NSUN7: variants seen among roughly 807,000 people sequenced by gnomAD.
The protein encoded by NSUN7 is protein NSUN7.
Under a neutral mutation model 58.5 loss-of-function variants are expected in NSUN7, and 39 were observed. That is an observed-to-expected ratio of 0.67 (90% CI 0.52 to 0.87). The LOEUF (loss-of-function observed/expected upper bound fraction) is 0.87, where lower values mean the gene tolerates loss of function less well. NSUN7 is among the 40% of genes least tolerant of loss of function. NSUN7 has a pLI of 0.00. For synonymous variants in NSUN7, 278 were observed against 303.7 expected, an observed-to-expected ratio of 0.92 and a Z score of 0.88; for missense variants, 765 against 844.1, an observed-to-expected ratio of 0.91 and a Z score of 1.16.
intron 7 of NSUN7, chr4:40,786,691 C>A: frequency 1.3e-6 from 2 of 1,575,940 alleles, no homozygotes; most frequent in Admixed American, 2.0e-5. Context: ...AAAAATGTTG[C>A]GGCAACAGAA....
intron 2 of NSUN7, among the ~76,000 whole-genome samples, chr4:40,757,731 C>T (rs201361286): frequency 0.35 from 51,095 of 144,158 alleles, 9,438 homozygotes; most frequent in Admixed American, 0.49. Flanking sequence ...TATATACACA[C>T]ACACACACAC....
At position 40,757,906 on chromosome 4, in the gene NSUN7, G is replaced by C. The variant is rs976795337; in HGVS notation, c.299-2528G>C. Among the ~76,000 whole-genome samples, 5 of 150,996 alleles carry C rather than the reference G, an allele frequency of 3.3e-5. No homozygotes were observed. In the East Asian group the frequency reaches 9.8e-4, roughly 29 times the overall value. On this transcript the variant is annotated intron_variant, in intron 2 of 11. Transcript: ENST00000381782. The stretch of plus-strand genomic sequence containing the variant: ...TCCTGCCTCTCCTATTCCTGTTTTT[G>C]TTTGTTTGTTTGTTTGTTTGTTTGT...
At chr4:40,759,835 A>C (rs572827821) in intron 2 of NSUN7, among the ~76,000 whole-genome samples, 5 of 152,056 alleles carry the variant, frequency 3.3e-5, no homozygotes, top group Non-Finnish European at 7.4e-5. Flanking sequence ...AAGGTCAGGA[A>C]TTCGAGACCA....
At chr4:40,769,873 G>A (rs1371310100) in intron 4 of NSUN7, among the ~76,000 whole-genome samples, 2 of 152,138 alleles carry the variant, frequency 1.3e-5, no homozygotes, top group African/African-American at 4.8e-5. Context: ...ATTTTTCTGG[G>A]AAATTCAAGC....
intron 1 of NSUN7, 62 bp downstream of exon 1, chr4:40,750,362 G>A (rs1198311487): frequency 1.3e-5 from 3 of 223,080 alleles, no homozygotes; most frequent in East Asian, 1.1e-4. Context: ...GGCTCCGGGG[G>A]CAGCTCTGCC....
At chr4:40,792,213 C>T (rs1401736782) in intron 8 of NSUN7, among the ~76,000 whole-genome samples, 4 of 152,014 alleles carry the variant, frequency 2.6e-5, no homozygotes, top group Admixed American at 2.6e-4. Context: ...GAAATAGCAG[C>T]TATAATAAGC....
chr4:40,791,013 A>C (rs1215036618), intron 8 of NSUN7, among the ~76,000 whole-genome samples: 1 of 152,162 alleles, frequency 6.6e-6, no homozygotes, highest in Non-Finnish European at 1.5e-5. Flanking sequence ...TGCTATTCTG[A>C]ATATACCAGA....
chr4:40,792,330 A>C (rs1743106088), intron 8 of NSUN7, among the ~76,000 whole-genome samples: 1 of 152,192 alleles, frequency 6.6e-6, no homozygotes, highest in Non-Finnish European at 1.5e-5. Flanking sequence ...ATAAAAATAA[A>C]CTAAAGGCTA....
chr4:40,769,844 A>G (rs929256659), intron 4 of NSUN7, among the ~76,000 whole-genome samples: 1 of 152,222 alleles, frequency 6.6e-6, no homozygotes, highest in African/African-American at 2.4e-5. Flanking sequence ...AAGAGTCTGA[A>G]GCAGATGACT....
In NSUN7 at chr4:40,786,354, A is replaced by G. The variant is rs199844760; in HGVS notation, c.1037-4248A>G. ...TCTGGGATGTAGGTGGTCAGGAGAA[A>G]TTAAGGCCACTGTGGAAGTCATATA... is the stretch of plus-strand genomic sequence containing the variant. On this transcript the variant is annotated intron_variant, in intron 7 of 11. Coordinates refer to ENST00000381782, the MANE Select transcript of NSUN7 (RefSeq NM_024677.6). The G allele has an allele frequency of 4.7e-4, 763 of 1,612,136 alleles. 6 individuals carry two copies. The South Asian group carries it at 8.1e-3, about 17-fold the overall frequency.
intron 4 of NSUN7, among the ~76,000 whole-genome samples, chr4:40,767,240 A>G (rs1308656888): frequency 6.6e-6 from 1 of 152,128 alleles, no homozygotes; most frequent in Non-Finnish European, 1.5e-5. Context: ...ATTTCCCTCT[A>G]CACACTGCTT....
At chr4:40,791,392 AT>A (rs1743066969) in intron 8 of NSUN7, among the ~76,000 whole-genome samples, 1 of 152,186 alleles carries the variant, frequency 6.6e-6, no homozygotes, top group African/African-American at 2.4e-5. Context: ...TTCTTGGATT[AT>A]TTCAGTAAGT....
rs916389309 is a variant in NSUN7, at chr4:40,809,868, G to T, written c.*929G>T. ...ATGTTAATTAATTATATTAAATGTC[G>T]ATTCATCTTGAATGTATTCTCAATT... is the stretch of plus-strand genomic sequence containing the variant. On this transcript the variant is annotated 3_prime_UTR_variant, in exon 12 of 12. Transcript: ENST00000381782. 2.0e-5 allele frequency: 3 copies of T among 152,016 alleles called. No homozygotes were observed. Among genetic ancestry groups the T allele is most frequent in the Admixed American group, 2.0e-4 (3 of 15,262 alleles). 9.4% of individuals were successfully genotyped at this position (152,016 alleles called of 1,614,324 possible). A position where few individuals can be genotyped will look rare whatever the true frequency, so the allele number is the denominator to read the frequency against.
chr4:40,763,770 T>G (rs1741574784), intron 4 of NSUN7, among the ~76,000 whole-genome samples: 1 of 152,210 alleles, frequency 6.6e-6, no homozygotes, highest in African/African-American at 2.4e-5. Context: ...ACTACCTGCC[T>G]TAACACATAT....
intron 11 of NSUN7, among the ~76,000 whole-genome samples, chr4:40,807,598 G>A (rs912494604): frequency 9.9e-5 from 15 of 151,688 alleles, no homozygotes; most frequent in African/African-American, 3.2e-4. Context: ...CACTTGCCTC[G>A]GCCTCACAAA....
At chr4:40,804,669 A>G (rs945040901) in intron 10 of NSUN7, among the ~76,000 whole-genome samples, 12 of 152,108 alleles carry the variant, frequency 7.9e-5, no homozygotes, top group Non-Finnish European at 1.6e-4. Flanking sequence ...GTTACCTAGT[A>G]AGAGTGGAGG....
intron 7 of NSUN7, among the ~76,000 whole-genome samples, chr4:40,780,807 ATATATATTTTTTT>A (rs1362461384): frequency 4.8e-4 from 48 of 100,634 alleles, no homozygotes; most frequent in African/African-American, 1.8e-3. Flanking sequence ...ATATATATAT[ATATATATTTTTTT>A]TTTTTTTTTT....
chr4:40,763,498 T>C (rs1741557332), intron 4 of NSUN7, among the ~76,000 whole-genome samples: 1 of 152,204 alleles, frequency 6.6e-6, no homozygotes, highest in African/African-American at 2.4e-5. Context: ...GGGACTTTCA[T>C]GTCTGAACTT....
At chr4:40,765,335 G>A (rs1238183369) in intron 4 of NSUN7, among the ~76,000 whole-genome samples, 77 of 137,378 alleles carry the variant, frequency 5.6e-4, no homozygotes, top group Non-Finnish European at 6.6e-4. Context: ...TATTAAATAG[G>A]GAATCCTTTC....
Sources: gnomAD v4.1 joint callset for allele counts (sites outside exome capture counted in the v4.1 genomes callset) on GRCh38, gnomAD v4.1.1 for gene constraint, MANE v1.5 for transcripts, NCBI Gene and HGNC (gene_info 2026-07-23, HGNC 2026-07-21) for gene names.